The following KIF9 variants were observed in gnomAD, a reference collection of about 807,000 sequenced individuals.
The protein encoded by KIF9 is kinesin-like protein KIF9.
Under a neutral mutation model 94.8 loss-of-function variants are expected in KIF9, and 68 were observed. The ratio of observed to expected loss-of-function variants is 0.72; its 90% CI spans 0.59 to 0.88. The LOEUF is 0.88. Ranked by LOEUF, KIF9 falls within the 40% of genes least tolerant of loss-of-function variation. The pLI is 0.00. For synonymous variants in KIF9, 343 were observed against 362.1 expected (o/e 0.95, Z 0.60); for missense variants, 882 against 982.5 (o/e 0.90, Z 1.37).
In KIF9 at chr3:47,275,552, T is replaced by C. The variant is rs577993610; in HGVS notation, c.94-62A>G. On this transcript the variant is annotated intron_variant, in intron 2 of 20. Transcript: ENST00000684063. ...TGTTCAAAAATGGGTATAAAAAAAA[T>C]CACTGATAGCTGAGGCCTAATCTGG... is the stretch of plus-strand genomic sequence containing the variant. 28 of 1,319,402 alleles carry C rather than the reference T, an allele frequency of 2.1e-5. No individual in the cohort carries two copies. The African/African-American group carries it at 3.7e-4, about 17-fold the overall frequency. The allele number at this position is 1,319,402 out of a possible 1,614,324, so 81.7% of individuals were successfully genotyped here.
intron 20 of KIF9, among the ~76,000 whole-genome samples, chr3:47,230,960 A>G (rs577737852): frequency 5.9e-5 from 9 of 152,180 alleles, no homozygotes; most frequent in African/African-American, 1.9e-4. Flanking sequence ...ATCACTTACA[A>G]CCCAGGGGGC....
chr3:47,261,632 T>C (rs1024937203), intron 9 of KIF9, among the ~76,000 whole-genome samples: 1 of 152,216 alleles, frequency 6.6e-6, no homozygotes, highest in African/African-American at 2.4e-5. Flanking sequence ...GGCTCTTCCT[T>C]GGGCAGTCTA....
At chr3:47,273,289 A>G (rs1170045197) in intron 4 of KIF9, among the ~76,000 whole-genome samples, 4 of 152,192 alleles carry the variant, frequency 2.6e-5, no homozygotes. Flanking sequence ...GCTGATTAGC[A>G]TGCCTGACTC....
At chr3:47,242,141 A>C (rs1699614144) in intron 16 of KIF9, among the ~76,000 whole-genome samples, 1 of 152,076 alleles carries the variant, frequency 6.6e-6, no homozygotes, top group South Asian at 2.1e-4. Context: ...TGGCCAACCA[A>C]TGTGCTGGGA....
At position 47,243,205 on chromosome 3, in the gene KIF9, C is replaced by G. The variant is rs776308158; in HGVS notation, c.1555G>C (p.Gly519Arg). The stretch of plus-strand genomic sequence containing the variant: ...GTGGAAACGTAATCCAAGTCCTTCC[C>G]ATTCACAGGGCTGCTGGCACCTTCC... ...RKEGASSPVN[G>R]KDLDYVSTSK... The change falls in exon 16 of 21, where the codon GGG becomes CGG. Residue 519 changes from glycine (G) to arginine (R), a missense_variant. Transcript: ENST00000684063. 1.2e-6 allele frequency: 2 copies of G among 1,613,022 alleles called. No individual in the cohort carries two copies. The highest frequency in any genetic ancestry group is 1.7e-6 in the Non-Finnish European group (2 of 1,179,298).
chr3:47,235,629 C>A lies in KIF9; in HGVS notation c.2218-12G>T, dbSNP rs753122745. 2.2e-5 allele frequency: 35 copies of A among 1,598,404 alleles called. No homozygotes were observed. The highest frequency in any genetic ancestry group is 1.7e-6 in the Non-Finnish European group (2 of 1,165,982). ...TGGTCATCTTCTCCCTGGGGGAGGA[C>A]AGTCCCTTTAGCATGGTATTGTCAG... On this transcript the variant is annotated splice_polypyrimidine_tract_variant and intron_variant, in intron 19 of 20. Transcript: ENST00000684063.
intron 17 of KIF9, among the ~76,000 whole-genome samples, chr3:47,237,074 TACAC>T (rs1699078604): frequency 6.6e-6 from 1 of 152,228 alleles, no homozygotes; most frequent in Non-Finnish European, 1.5e-5. Flanking sequence ...CTCTTGCTGA[TACAC>T]ACATCCACCA....
chr3:47,270,599 G>C (rs982716121), intron 5 of KIF9, among the ~76,000 whole-genome samples: 1 of 151,984 alleles, frequency 6.6e-6, no homozygotes, highest in Non-Finnish European at 1.5e-5. Flanking sequence ...TGAAAAAAGG[G>C]ACATAAGAAT....
chr3:47,256,729 A>G (rs1257307612), intron 10 of KIF9, among the ~76,000 whole-genome samples: 3 of 152,206 alleles, frequency 2.0e-5, no homozygotes, highest in Non-Finnish European at 4.4e-5. Context: ...AGGATTGAGA[A>G]GTCGGATGGT....
rs200221718 is a variant in KIF9 at position 47,241,789 on chromosome 3, G to GTGTATATATGTATATA, written c.1710-790_1710-775dup. On this transcript the variant is annotated intron_variant, in intron 16 of 20. Coordinates refer to ENST00000684063, the MANE Select transcript of KIF9 (RefSeq NM_182902.4). ...TATACGTATATATACATGTATATAC[G>GTGTATATATGTATATA]TGTATATATGTATATATGTATATAT... Among the ~76,000 whole-genome samples the GTGTATATATGTATATA allele has an allele frequency of 1.6e-3, 134 of 85,814 alleles. 2 individuals carry two copies. The East Asian group carries it at 0.04, about 26-fold the overall frequency. 56.3% of individuals were successfully genotyped at this position (85,814 alleles called of 152,430 possible).
chr3:47,282,387 TGGG>T (rs1255130723), intron 1 of KIF9, 105 bp downstream of exon 1: 1 of 986,212 alleles, frequency 1.0e-6, no homozygotes, highest in Non-Finnish European at 1.2e-6. Flanking sequence ...GCGACCCAGC[TGGG>T]AACCCCCAGA....
chr3:47,235,721 G>T, intron 19 of KIF9, 104 bp from the exon 20 acceptor site: 3 of 860,844 alleles, frequency 3.5e-6, no homozygotes, highest in Non-Finnish European at 1.9e-6. Context: ...GCCACACACC[G>T]CCCCACCGCC....
chr3:47,230,232 C>T (rs1254578398), intron 20 of KIF9, among the ~76,000 whole-genome samples: 2 of 147,346 alleles, frequency 1.4e-5, no homozygotes, highest in East Asian at 2.1e-4. Context: ...GAGCTATGAT[C>T]GTGTCACTGC....
intron 15 of KIF9, chr3:47,244,536 G>C: frequency 2.2e-6 from 1 of 454,756 alleles, no homozygotes; most frequent in Non-Finnish European, 4.0e-6. Flanking sequence ...CTAAGCCTCT[G>C]TTTCTTCATC....
intron 16 of KIF9, among the ~76,000 whole-genome samples, chr3:47,241,859 T>C (rs796512194): frequency 1.9e-4 from 16 of 86,456 alleles, no homozygotes; most frequent in Non-Finnish European, 3.7e-4. Flanking sequence ...TATATATATA[T>C]ATACACATAT....
intron 9 of KIF9, among the ~76,000 whole-genome samples, chr3:47,258,975 G>A (rs1700789956): frequency 6.6e-6 from 1 of 152,200 alleles, no homozygotes. Context: ...GGCTGCCATA[G>A]TGGCCAGTGC....
intron 15 of KIF9, 144 bp downstream of exon 15, chr3:47,244,647 C>G: frequency 9.6e-7 from 1 of 1,039,102 alleles, no homozygotes; most frequent in Non-Finnish European, 1.4e-6. Flanking sequence ...GCCCCACAGA[C>G]TTGCTAGTAT....
chr3:47,282,630 G>C lies in KIF9; in HGVS notation c.-141C>G, dbSNP rs767301583. 7.1e-5 allele frequency: 81 copies of C among 1,146,330 alleles called. No homozygotes were observed. Among genetic ancestry groups the C allele is most frequent in the Non-Finnish European group, 8.2e-5 (76 of 926,460 alleles). The allele number at this position is 1,146,330 out of a possible 1,614,324, so 71.0% of individuals were successfully genotyped here. A position where few individuals can be genotyped will look rare whatever the true frequency, so the allele number is the denominator to read the frequency against. ...CTTCCGGGGATTCCGGAAGTGTCGG[G>C]GTGGCGGAAATGAAGTCCGAGGTCC... On this transcript the variant is annotated 5_prime_UTR_variant, in exon 1 of 21. Coordinates refer to ENST00000684063, the MANE Select transcript of KIF9 (RefSeq NM_182902.4).
At chr3:47,244,678 G>A in intron 15 of KIF9, 113 bp downstream of exon 15, 1 of 1,356,910 alleles carries the variant, frequency 7.4e-7, no homozygotes, top group Non-Finnish European at 1.0e-6. Flanking sequence ...GACGTCCATT[G>A]TGCCAACCCA....
Sources: gnomAD v4.1 joint callset for allele counts (sites outside exome capture counted in the v4.1 genomes callset) on GRCh38, gnomAD v4.1.1 for gene constraint, MANE v1.5 for transcripts, NCBI Gene and HGNC (gene_info 2026-07-23, HGNC 2026-07-21) for gene names.